The following CSGALNACT1 variants were observed in gnomAD, a reference collection of about 807,000 sequenced individuals.
CSGALNACT1 encodes chondroitin sulfate N-acetylgalactosaminyltransferase 1.
Under a neutral mutation model 51.0 loss-of-function variants are expected in CSGALNACT1, and 52 were observed. The ratio of observed to expected loss-of-function variants is 1.02; its 90% CI spans 0.82 to 1.29. CSGALNACT1 has a LOEUF of 1.29. Ranked by LOEUF, CSGALNACT1 falls within the 50% of genes most tolerant of loss-of-function variation. CSGALNACT1 has a pLI of 0.00. For missense variants in CSGALNACT1, 935 were observed against 679.2 expected, an observed-to-expected ratio of 1.38 and a Z score of -4.19; for synonymous variants, 341 against 254.4, an observed-to-expected ratio of 1.34 and a Z score of -3.24.
intron 1 of CSGALNACT1, among the ~76,000 whole-genome samples, chr8:19,630,194 CTGTGTGTGTG>C (rs55947851): frequency 0.033 from 4,495 of 137,840 alleles, 82 homozygotes; most frequent in Non-Finnish European, 0.045. Context: ...TCCCACGTCT[CTGTGTGTGTG>C]TGTGTGTGTG....
chr8:19,655,399 T>C (rs879797211), intron 1 of CSGALNACT1, among the ~76,000 whole-genome samples: 1 of 152,030 alleles, frequency 6.6e-6, no homozygotes, highest in East Asian at 1.9e-4. Flanking sequence ...CTCACTCTGT[T>C]GTGCAGGCTG....
intron 4 of CSGALNACT1, among the ~76,000 whole-genome samples, chr8:19,480,769 C>T (rs560344404): frequency 6.6e-6 from 1 of 152,136 alleles, no homozygotes; most frequent in African/African-American, 2.4e-5. Flanking sequence ...CTTCTCATTT[C>T]CTATCCCTAC....
chr8:19,705,274 T>C (rs1480922508), intron 1 of CSGALNACT1, among the ~76,000 whole-genome samples: 1 of 152,084 alleles, frequency 6.6e-6, no homozygotes, highest in Non-Finnish European at 1.5e-5. Context: ...AACTCAAGGG[T>C]AGCTATTTAT....
intron 3 of CSGALNACT1, among the ~76,000 whole-genome samples, chr8:19,526,614 G>A (rs993263189): frequency 1.3e-5 from 2 of 151,972 alleles, no homozygotes; most frequent in Non-Finnish European, 2.9e-5. Flanking sequence ...TATAAAAATT[G>A]TAGGTAAAAG....
At chr8:19,502,444 G>T (rs1268667379) in intron 4 of CSGALNACT1, among the ~76,000 whole-genome samples, 1 of 152,190 alleles carries the variant, frequency 6.6e-6, no homozygotes, top group Non-Finnish European at 1.5e-5. Flanking sequence ...TTAGCCTGAA[G>T]TGTTACATAA....
At chr8:19,751,125 G>A (rs1050891865) in intron 1 of CSGALNACT1, among the ~76,000 whole-genome samples, 4 of 152,050 alleles carry the variant, frequency 2.6e-5, no homozygotes, top group Non-Finnish European at 5.9e-5. Flanking sequence ...CCTTTTCCAG[G>A]CTGCCAATTC....
intron 1 of CSGALNACT1, among the ~76,000 whole-genome samples, chr8:19,657,371 G>A (rs2058376115): frequency 6.6e-6 from 1 of 152,194 alleles, no homozygotes; most frequent in Non-Finnish European, 1.5e-5. Flanking sequence ...GAAAAGGAAA[G>A]AATGGATCAG....
At chr8:19,720,906 G>A (rs769907333) in intron 1 of CSGALNACT1, among the ~76,000 whole-genome samples, 18 of 152,196 alleles carry the variant, frequency 1.2e-4, no homozygotes, top group Admixed American at 1.1e-3. Context: ...TGCTGAAGTG[G>A]TAAGGACGGC....
chr8:19,413,479 C>T (rs375034341), intron 8 of CSGALNACT1, among the ~76,000 whole-genome samples: 2 of 152,314 alleles, frequency 1.3e-5, no homozygotes, highest in Middle Eastern at 3.4e-3. Flanking sequence ...TCTGGAAAGG[C>T]TCCATAAAGG....
At chr8:19,602,818 A>G (rs1441812130), upstream of CSGALNACT1, 2 of 152,156 alleles carry the variant, frequency 1.3e-5, no homozygotes, top group Non-Finnish European at 2.9e-5. Flanking sequence ...ATACTCTGGA[A>G]AGGGACTAAG....
chr8:19,736,490 C>A (rs1172912038), intron 1 of CSGALNACT1, among the ~76,000 whole-genome samples: 4 of 149,150 alleles, frequency 2.7e-5, no homozygotes, highest in African/African-American at 9.9e-5. Context: ...GTGCTTGGGA[C>A]TGAGAAAGTC....
At chr8:19,601,289 A>C (rs946164518) in intron 2 of CSGALNACT1, among the ~76,000 whole-genome samples, 2 of 152,206 alleles carry the variant, frequency 1.3e-5, no homozygotes, top group Non-Finnish European at 2.9e-5. Context: ...TCAGAAAGAA[A>C]GCTCATTCTT....
chr8:19,672,202 G>T lies in CSGALNACT1; in HGVS notation c.-544+10271C>A, dbSNP rs2059847190. 2.6e-5 allele frequency among the ~76,000 whole-genome samples: 4 copies of T among 152,274 alleles called. No individual in the cohort carries two copies. In the South Asian group the frequency reaches 8.3e-4, roughly 32 times the overall value. On this transcript the variant is annotated intron_variant, in intron 1 of 9. Transcript: ENST00000332246. ...GGCAATTTTTTCCATCAAGCTCATG[G>T]AATTTCTTCGGCTTTCCCATCTCTC... is the stretch of plus-strand genomic sequence containing the variant.
chr8:19,661,942 T>C (rs2058771035), intron 1 of CSGALNACT1, among the ~76,000 whole-genome samples: 2 of 152,084 alleles, frequency 1.3e-5, no homozygotes, highest in African/African-American at 4.8e-5. Context: ...CAAGATTTGG[T>C]GAAGCCTATT....
chr8:19,550,804 G>A (rs1275192190), intron 3 of CSGALNACT1, among the ~76,000 whole-genome samples: 1 of 152,052 alleles, frequency 6.6e-6, no homozygotes, highest in African/African-American at 2.4e-5. Context: ...TCAGAGTTCT[G>A]GGTGCTTAGA....
At chr8:19,414,645 C>G (rs953587342) in intron 8 of CSGALNACT1, among the ~76,000 whole-genome samples, 1 of 152,064 alleles carries the variant, frequency 6.6e-6, no homozygotes, top group Admixed American at 6.6e-5. Context: ...TTGCTTTTGT[C>G]TGCAGGCAAA....
intron 3 of CSGALNACT1, among the ~76,000 whole-genome samples, chr8:19,528,975 A>C (rs532900167): frequency 1.1e-4 from 17 of 152,302 alleles, no homozygotes; most frequent in Admixed American, 1.1e-3. Context: ...GTTAATGTTA[A>C]GATTTTATTT....
intron 1 of CSGALNACT1, among the ~76,000 whole-genome samples, chr8:19,608,357 G>C (rs928234217): frequency 5.3e-5 from 8 of 152,166 alleles, no homozygotes; most frequent in African/African-American, 1.9e-4. Flanking sequence ...GCAGAGGTGT[G>C]TGGTTCAGAA....
chr8:19,521,331 C>T (rs189207178), intron 3 of CSGALNACT1, among the ~76,000 whole-genome samples: 1 of 152,022 alleles, frequency 6.6e-6, no homozygotes, highest in Non-Finnish European at 1.5e-5. Context: ...GGCTACAGCA[C>T]TAAAGACAGA....
Sources: allele counts gnomAD v4.1 joint callset (sites outside exome capture counted in the v4.1 genomes callset), GRCh38; gene constraint gnomAD v4.1.1; transcripts MANE v1.5; gene names NCBI Gene and HGNC (gene_info 2026-07-23, HGNC 2026-07-21).